Variants in CALN1 observed in about 807,000 individuals in gnomAD.
The protein encoded by CALN1 is calcium-binding protein 8.
In CALN1, 17 loss-of-function variants were observed where a neutral mutation model predicts 30.6. The observed-to-expected ratio is 0.56, with a 90% confidence interval of 0.38 to 0.83. The LOEUF (loss-of-function observed/expected upper bound fraction) is 0.83, where lower values mean the gene tolerates loss of function less well. CALN1 is among the 40% of genes least tolerant of loss of function. The pLI is 0.00. For synonymous variants in CALN1, 156 were observed against 131.4 expected, an observed-to-expected ratio of 1.19 and a Z score of -1.28; for missense variants, 291 against 354.9, an observed-to-expected ratio of 0.82 and a Z score of 1.45.
intron 1 of CALN1, among the ~76,000 whole-genome samples, chr7:72,419,059 G>T (rs934280170): frequency 6.6e-6 from 1 of 152,028 alleles, no homozygotes. Context: ...CCATTGAAAA[G>T]CCTAGAAGTA....
chr7:72,216,210 T>A (rs1396467251), intron 3 of CALN1, among the ~76,000 whole-genome samples: 2 of 151,668 alleles, frequency 1.3e-5, no homozygotes, highest in Non-Finnish European at 2.9e-5. Flanking sequence ...AGGCCAGGAG[T>A]TCGAGACCAG....
At chr7:72,370,271 G>A (rs993800432) in intron 2 of CALN1, among the ~76,000 whole-genome samples, 1 of 152,010 alleles carries the variant, frequency 6.6e-6, no homozygotes, top group African/African-American at 2.4e-5. Context: ...CTTTTTTGCT[G>A]TATATATTTT....
intron 3 of CALN1, among the ~76,000 whole-genome samples, chr7:72,110,676 A>C (rs951318441): frequency 1.3e-5 from 2 of 151,210 alleles, no homozygotes; most frequent in Admixed American, 1.3e-4. Context: ...TTTTTTCAAA[A>C]TAGCAGAAAC....
At chr7:72,368,273 G>A (rs1202296204) in intron 2 of CALN1, among the ~76,000 whole-genome samples, 2 of 150,044 alleles carry the variant, frequency 1.3e-5, no homozygotes, top group African/African-American at 4.9e-5. Flanking sequence ...TGTTAACTGA[G>A]TGCTGGTAAC....
chr7:72,206,314 T>G lies in CALN1; in HGVS notation c.244+72372A>C, dbSNP rs556388247. ...CCTCTGTTGGATCTTTGCTGTCTGTTCTCTGTACTTATGACGTCTCAAATA... is the reference window on the plus strand; with the variant it reads ...CCTCTGTTGGATCTTTGCTGTCTGTGCTCTGTACTTATGACGTCTCAAATA... On this transcript the variant is annotated intron_variant, in intron 3 of 6. Transcript: ENST00000395275. Among the ~76,000 whole-genome samples the G allele has an allele frequency of 7.2e-5, 11 of 152,352 alleles. No homozygotes were observed. The East Asian group carries it at 2.1e-3, about 29-fold the overall frequency.
At chr7:72,374,521 ACT>A (rs1395239461) in intron 2 of CALN1, among the ~76,000 whole-genome samples, 3 of 141,296 alleles carry the variant, frequency 2.1e-5, no homozygotes, top group South Asian at 2.3e-4. Flanking sequence ...ACAGAGAGAC[ACT>A]CTGTCTCCAA....
intron 2 of CALN1, among the ~76,000 whole-genome samples, chr7:72,369,474 G>C (rs1339164896): frequency 6.6e-6 from 1 of 151,644 alleles, no homozygotes; most frequent in African/African-American, 2.4e-5. Flanking sequence ...CAATTCTCCT[G>C]CCTCAGCCTC....
intron 2 of CALN1, among the ~76,000 whole-genome samples, chr7:72,346,994 G>C (rs139472129): frequency 1.1e-4 from 16 of 152,266 alleles, no homozygotes; most frequent in African/African-American, 3.6e-4. Context: ...AGTGGGAATA[G>C]AGAAAAGAGA....
At chr7:71,945,853 T>C (rs1328523021) in intron 5 of CALN1, among the ~76,000 whole-genome samples, 1 of 152,238 alleles carries the variant, frequency 6.6e-6, no homozygotes, top group Non-Finnish European at 1.5e-5. Flanking sequence ...GGTTGCATTA[T>C]CTGAAAACCA....
chr7:72,383,519 G>A (rs538891751), intron 2 of CALN1, among the ~76,000 whole-genome samples: 3 of 152,096 alleles, frequency 2.0e-5, no homozygotes, highest in East Asian at 1.9e-4. Context: ...ATTTTTTCAT[G>A]TTTGTTGGCT....
Position 72,109,004 on chromosome 7 carries a change from C to G in CALN1, c.245-2710G>C, listed in dbSNP as rs180943247. Among the ~76,000 whole-genome samples, 276 of 152,298 alleles carry G rather than the reference C, an allele frequency of 1.8e-3. 1 individual carries two copies. The highest frequency in any genetic ancestry group is 5.6e-3 in the African/African-American group (231 of 41,562). ...TTCCTTTCTTGTGACATCCAGCATA[C>G]TCCATCTAGAAATACTACCATTGGC... On this transcript the variant is annotated intron_variant, in intron 3 of 6. Coordinates refer to ENST00000395275, the MANE Select transcript of CALN1 (RefSeq NM_031468.4).
chr7:71,843,356 T>C (rs1057018872), intron 5 of CALN1, among the ~76,000 whole-genome samples: 1 of 152,102 alleles, frequency 6.6e-6, no homozygotes, highest in Non-Finnish European at 1.5e-5. Flanking sequence ...TGGGAGCTCA[T>C]GCCTGTAATC....
At chr7:72,056,993 T>C (rs1331137492) in intron 4 of CALN1, among the ~76,000 whole-genome samples, 1 of 152,088 alleles carries the variant, frequency 6.6e-6, no homozygotes, top group African/African-American at 2.4e-5. Flanking sequence ...TAGGCCGGAG[T>C]GCAGCGGCAT....
At chr7:72,060,838 C>A (rs940908345) in intron 4 of CALN1, among the ~76,000 whole-genome samples, 1 of 152,180 alleles carries the variant, frequency 6.6e-6, no homozygotes, top group Non-Finnish European at 1.5e-5. Context: ...CCTGAGGCCT[C>A]ACCAGAAGCT....
At chr7:72,329,293 A>C (rs928172095) in intron 2 of CALN1, among the ~76,000 whole-genome samples, 1 of 152,210 alleles carries the variant, frequency 6.6e-6, no homozygotes, top group African/African-American at 2.4e-5. Flanking sequence ...TTACACTCTG[A>C]TGGATAAAGA....
chr7:71,916,534 C>G (rs916801464), intron 5 of CALN1, among the ~76,000 whole-genome samples: 1 of 152,036 alleles, frequency 6.6e-6, no homozygotes, highest in Non-Finnish European at 1.5e-5. Flanking sequence ...ATGGATGGAG[C>G]TGGAGGCCAT....
At chr7:72,225,301 G>C (rs1025211570) in intron 3 of CALN1, among the ~76,000 whole-genome samples, 2 of 151,868 alleles carry the variant, frequency 1.3e-5, no homozygotes, top group African/African-American at 2.4e-5. Flanking sequence ...ACCTTAGCAG[G>C]GTGTCCTCCT....
intron 5 of CALN1, among the ~76,000 whole-genome samples, chr7:71,971,971 A>AAGAAAGAAAG (rs1225792466): frequency 7.0e-6 from 1 of 141,880 alleles, no homozygotes; most frequent in African/African-American, 2.6e-5. Context: ...GAAAGAAAGA[A>AAGAAAGAAAG]AGAAAGAAAG....
chr7:72,123,278 C>T (rs1212958256), intron 3 of CALN1, among the ~76,000 whole-genome samples: 1 of 152,136 alleles, frequency 6.6e-6, no homozygotes, highest in Non-Finnish European at 1.5e-5. Flanking sequence ...TGTAGCTCAG[C>T]CCATGAAACA....
Sources: allele counts gnomAD v4.1 joint callset (sites outside exome capture counted in the v4.1 genomes callset), GRCh38; gene constraint gnomAD v4.1.1; transcripts MANE v1.5; gene names NCBI Gene and HGNC (gene_info 2026-07-23, HGNC 2026-07-21).